The following FBXO25 variants were observed in gnomAD, a reference collection of about 807,000 sequenced individuals.
FBXO25 encodes F-box only protein 25.
Under a neutral mutation model 51.9 loss-of-function variants are expected in FBXO25, and 45 were observed. The observed-to-expected ratio is 0.87, with a 90% CI of 0.68 to 1.11. The LOEUF (loss-of-function observed/expected upper bound fraction) is 1.11. Ranked by LOEUF, FBXO25 falls within the 50% of genes most tolerant of loss-of-function variation. The pLI, the probability that FBXO25 is intolerant of heterozygous loss-of-function variation, is 0.00. For missense variants in FBXO25, 507 were observed against 428.5 expected (o/e 1.18, Z -1.62); for synonymous variants, 199 against 151.0 (o/e 1.32, Z -2.33).
At chr8:468,622 ACAT>A in intron 9 of FBXO25, 90 bp from the exon 10 acceptor site, 1 of 928,742 alleles carries the variant, frequency 1.1e-6, no homozygotes, top group South Asian at 1.5e-5. Flanking sequence ...CCCAGGGTCC[ACAT>A]CAACAAGCAG....
At position 474,446 on chromosome 8, in the gene FBXO25, C is replaced by G; in HGVS notation, c.*5642C>G. 6.6e-6 allele frequency: 2 copies of G among 300,952 alleles called. No individual in the cohort carries two copies. Among genetic ancestry groups the G allele is most frequent in the South Asian group, 2.9e-5 (1 of 34,178 alleles). 18.6% of individuals were successfully genotyped at this position (300,952 alleles called of 1,614,324 possible). ...CTCTGCTTTCAATCATATGGCAATC[C>G]TATGTTTAATTTCTTAGGGCACTGC... On this transcript the variant is annotated 3_prime_UTR_variant, in exon 10 of 10. Transcript: ENST00000350302.
intron 3 of FBXO25, among the ~76,000 whole-genome samples, chr8:431,971 T>C (rs981401337): frequency 8.5e-5 from 13 of 152,304 alleles, no homozygotes; most frequent in African/African-American, 2.9e-4. Context: ...TGCCTGAAAC[T>C]GTGGATACTA....
At chr8:414,895 C>T (rs922350186) in intron 2 of FBXO25, among the ~76,000 whole-genome samples, 1 of 152,188 alleles carries the variant, frequency 6.6e-6, no homozygotes, top group Non-Finnish European at 1.5e-5. Context: ...TCTGCCATTT[C>T]GTTCATCTTC....
chr8:450,021 C>G lies in FBXO25; in HGVS notation c.413C>G (p.Thr138Ser). ...CAGCTAATTGCAAAATCCCAGTTAA[C>G]TTCATTGAGTGGCGTGGCACAGAAG... ...LLQLIAKSQL[T>S]SLSGVAQKNY... Residue 138 changes from threonine to serine, a missense_variant, in exon 6 of 10, where the codon ACT (threonine) becomes AGT (serine). Physicochemically the swap from Thr to Ser is moderately conservative, Grantham distance 58. Coordinates refer to ENST00000350302, the MANE Select transcript of FBXO25 (RefSeq NM_183420.2). The G allele has an allele frequency of 6.2e-7, 1 of 1,611,982 alleles. No homozygotes were observed. The highest frequency in any genetic ancestry group is 8.5e-7 in the Non-Finnish European group (1 of 1,179,258).
intron 9 of FBXO25, 90 bp downstream of exon 9, chr8:463,240 C>T (rs1010038387): frequency 8.0e-6 from 11 of 1,379,586 alleles, no homozygotes; most frequent in South Asian, 6.2e-5. Flanking sequence ...GACTAAAAAG[C>T]GGAAAATACT....
At chr8:465,710 T>G (rs939694656) in intron 9 of FBXO25, among the ~76,000 whole-genome samples, 1 of 152,204 alleles carries the variant, frequency 6.6e-6, no homozygotes, top group South Asian at 2.1e-4. Context: ...AAAACAAAGT[T>G]TGTGTTACTT....
At chr8:430,983 CATTGGTCAGTA>C (rs1797787956) in intron 2 of FBXO25, among the ~76,000 whole-genome samples, 1 of 152,090 alleles carries the variant, frequency 6.6e-6, no homozygotes, top group African/African-American at 2.4e-5. Flanking sequence ...TACAGCAAGT[CATTGGTCAGTA>C]TTGGGTATCA....
At chr8:453,372 C>T (rs926223424) in intron 7 of FBXO25, among the ~76,000 whole-genome samples, 3 of 152,112 alleles carry the variant, frequency 2.0e-5, no homozygotes, top group Admixed American at 1.3e-4. Flanking sequence ...GCATGTGCCT[C>T]TGTGAGGATC....
At chr8:463,660 T>A (rs1030418199) in intron 9 of FBXO25, among the ~76,000 whole-genome samples, 2 of 152,162 alleles carry the variant, frequency 1.3e-5, no homozygotes, top group Admixed American at 1.3e-4. Context: ...AAATCTGCAT[T>A]TTTCTCATTC....
intron 2 of FBXO25, among the ~76,000 whole-genome samples, chr8:427,406 C>T (rs1360788899): frequency 6.6e-6 from 1 of 151,004 alleles, no homozygotes; most frequent in South Asian, 2.1e-4. Context: ...AGAGTCATGG[C>T]AACTTGTTGC....
In FBXO25 at chr8:419,990, G is replaced by A. The variant is rs1269616975; in HGVS notation, c.134+6777G>A. Among the ~76,000 whole-genome samples the A allele has an allele frequency of 2.0e-5, 3 of 152,140 alleles. No homozygotes were observed. The East Asian group carries it at 5.8e-4, about 29-fold the overall frequency. Reference sequence around the variant, plus strand: ...TGTACTTCACCAAACAACTTGCATGGATTGCAGAGAAGCCCATGCAAATAA... The same window carrying A: ...TGTACTTCACCAAACAACTTGCATGAATTGCAGAGAAGCCCATGCAAATAA... On this transcript the variant is annotated intron_variant, in intron 2 of 9. Coordinates refer to ENST00000350302, the MANE Select transcript of FBXO25 (RefSeq NM_183420.2).
At chr8:461,362 C>A (rs1365701733) in intron 8 of FBXO25, among the ~76,000 whole-genome samples, 1 of 152,156 alleles carries the variant, frequency 6.6e-6, no homozygotes, top group African/African-American at 2.4e-5. Flanking sequence ...TTTGATGTGG[C>A]TGGGGAGGCC....
chr8:452,098 G>T (rs1383382754), intron 7 of FBXO25, among the ~76,000 whole-genome samples: 1 of 152,190 alleles, frequency 6.6e-6, no homozygotes, highest in Non-Finnish European at 1.5e-5. Context: ...TGATTCTGCA[G>T]ATTGCACTGC....
intron 9 of FBXO25, among the ~76,000 whole-genome samples, chr8:464,543 A>C (rs1488971248): frequency 2.0e-5 from 3 of 152,214 alleles, no homozygotes; most frequent in Non-Finnish European, 2.9e-5. Context: ...CTTTTGCCTG[A>C]TAGACACCAT....
intron 2 of FBXO25, among the ~76,000 whole-genome samples, chr8:428,403 C>T (rs991400625): frequency 1.3e-5 from 2 of 152,034 alleles, no homozygotes; most frequent in African/African-American, 2.4e-5. Flanking sequence ...TGTTGTATAA[C>T]GTTCTATTCT....
At chr8:407,362 A>C in intron 1 of FBXO25, 1 of 917,928 alleles carries the variant, frequency 1.1e-6, no homozygotes, top group Non-Finnish European at 1.3e-6. Flanking sequence ...CGTCTGCTGA[A>C]GTCTGGGTCC....
At position 468,952 on chromosome 8, in the gene FBXO25, A is replaced by T; in HGVS notation, c.*148A>T. On this transcript the variant is annotated 3_prime_UTR_variant, in exon 10 of 10. Transcript: ENST00000350302. ...AGAACTGCCCTTCTGCAAAGGGGGG[A>T]CTGCATGGTTGCATTTTCATCACTG... The T allele has an allele frequency of 1.5e-6, 1 of 648,174 alleles. No homozygotes were observed. The highest frequency in any genetic ancestry group is 2.6e-6 in the Non-Finnish European group (1 of 390,812). The allele number at this position is 648,174 out of a possible 1,614,324, so 40.2% of individuals were successfully genotyped here.
intron 5 of FBXO25, among the ~76,000 whole-genome samples, chr8:446,967 A>G (rs1330160853): frequency 2.0e-5 from 3 of 152,172 alleles, no homozygotes; most frequent in Non-Finnish European, 4.4e-5. Flanking sequence ...GGCAGATGCA[A>G]TTCACAGACT....
chr8:436,517 C>T (rs1006660571), intron 5 of FBXO25, among the ~76,000 whole-genome samples: 3 of 152,180 alleles, frequency 2.0e-5, no homozygotes, highest in African/African-American at 7.2e-5. Flanking sequence ...ATTTCCAGGG[C>T]TGCTTATGTA....
Sources: allele counts gnomAD v4.1 joint callset (sites outside exome capture counted in the v4.1 genomes callset), GRCh38; gene constraint gnomAD v4.1.1; transcripts MANE v1.5; gene names NCBI Gene and HGNC (gene_info 2026-07-23, HGNC 2026-07-21).